Variants in TRAPPC9 observed in about 807,000 individuals in gnomAD.
TRAPPC9 encodes trafficking protein particle complex subunit 9.
TRAPPC9 carries 83 observed loss-of-function variants against 124.0 expected under a neutral mutation model. That is an observed-to-expected ratio of 0.67 (90% CI 0.56 to 0.80). The LOEUF is 0.80. Ranked by LOEUF, TRAPPC9 falls within the 30% of genes least tolerant of loss-of-function variation. The pLI is 0.00. For synonymous variants in TRAPPC9, 638 were observed against 617.5 expected, an observed-to-expected ratio of 1.03 and a Z score of -0.49; for missense variants, 1,302 against 1,508.3, an observed-to-expected ratio of 0.86 and a Z score of 2.27.
chr8:140,071,299 G>A (rs1843146990), intron 17 of TRAPPC9, among the ~76,000 whole-genome samples: 1 of 152,108 alleles, frequency 6.6e-6, no homozygotes, highest in African/African-American at 2.4e-5. Context: ...ACCAGCCCTC[G>A]ACACTCACAG....
At chr8:139,951,649 G>T (rs1295448228) in intron 19 of TRAPPC9, among the ~76,000 whole-genome samples, 1 of 152,222 alleles carries the variant, frequency 6.6e-6, no homozygotes, top group Non-Finnish European at 1.5e-5. Context: ...CAGAGTTAGA[G>T]GCTGGGAGGC....
Position 140,221,640 on chromosome 8 carries a change from T to C in TRAPPC9, c.2432-57A>G, listed in dbSNP as rs1269757842. On this transcript the variant is annotated intron_variant, in intron 16 of 22. Transcript: ENST00000438773. ...ACGTCAGCTTGGTTTTGGGGTTTGT[T>C]GTTGTTGTTGTTGTTTGGGACGGGT... The C allele has an allele frequency of 2.6e-6, 4 of 1,557,156 alleles. No homozygotes were observed. The African/African-American group carries it at 5.4e-5, about 21-fold the overall frequency.
At chr8:140,286,480 CA>C (rs2065487847) in intron 13 of TRAPPC9, among the ~76,000 whole-genome samples, 1 of 152,126 alleles carries the variant, frequency 6.6e-6, no homozygotes, top group Non-Finnish European at 1.5e-5. Flanking sequence ...GCTTTTGTGA[CA>C]AACCCTAGAA....
At chr8:139,913,220 G>T (rs187937097) in intron 19 of TRAPPC9, among the ~76,000 whole-genome samples, 1 of 152,332 alleles carries the variant, frequency 6.6e-6, no homozygotes, top group East Asian at 1.9e-4. Context: ...AGCTAACTCT[G>T]CCCATAAAAC....
At chr8:139,822,897 C>G (rs114858912) in intron 21 of TRAPPC9, among the ~76,000 whole-genome samples, 263 of 152,350 alleles carry the variant, frequency 1.7e-3, no homozygotes, top group African/African-American at 6.1e-3. Context: ...CTGGAGGCTA[C>G]AAGTCCAAGA....
chr8:140,166,042 T>C (rs1346336455), intron 17 of TRAPPC9, among the ~76,000 whole-genome samples: 1 of 152,188 alleles, frequency 6.6e-6, no homozygotes, highest in Non-Finnish European at 1.5e-5. Context: ...CCCGCCTGCA[T>C]GCACCGCAGC....
chr8:140,243,267 C>T (rs1272576619), intron 16 of TRAPPC9, among the ~76,000 whole-genome samples: 1 of 152,202 alleles, frequency 6.6e-6, no homozygotes, highest in Non-Finnish European at 1.5e-5. Flanking sequence ...AGACGATTCA[C>T]CTCTGATGAG....
intron 10 of TRAPPC9, among the ~76,000 whole-genome samples, chr8:140,309,801 G>T (rs1475805688): frequency 6.6e-6 from 1 of 152,214 alleles, no homozygotes; most frequent in African/African-American, 2.4e-5. Flanking sequence ...GGGCACTGCA[G>T]AGCAGCCACG....
intron 17 of TRAPPC9, among the ~76,000 whole-genome samples, chr8:140,047,124 C>T (rs1414767963): frequency 6.6e-6 from 1 of 152,250 alleles, no homozygotes; most frequent in African/African-American, 2.4e-5. Context: ...CCGCCAGCCT[C>T]TCCCGGCACA....
chr8:139,737,466 T>TCCC (rs35297460), intron 21 of TRAPPC9, among the ~76,000 whole-genome samples: 459 of 41,274 alleles, frequency 0.011, 74 homozygotes, highest in Middle Eastern at 0.033. Flanking sequence ...TCATCAGCCC[T>TCCC]CCCCCCCCCC....
intron 19 of TRAPPC9, among the ~76,000 whole-genome samples, chr8:139,980,135 T>G (rs928094472): frequency 6.6e-6 from 1 of 151,764 alleles, no homozygotes; most frequent in African/African-American, 2.4e-5. Context: ...CCCCCAGACT[T>G]CTCTAACAAG....
chr8:140,418,629 T>C (rs200087163), intron 5 of TRAPPC9, among the ~76,000 whole-genome samples: 1 of 151,692 alleles, frequency 6.6e-6, no homozygotes, highest in Non-Finnish European at 1.5e-5. Context: ...GCTGAGGCAG[T>C]AGAATCGCTT....
rs1563983449 is a variant in TRAPPC9 at position 140,376,604 on chromosome 8, C to CTCATGCCGAAAT, written c.1135-5425_1135-5424insATTTCGGCATGA. Among the ~76,000 whole-genome samples, 70 of 143,780 alleles carry CTCATGCCGAAAT rather than the reference C, an allele frequency of 4.9e-4. 2 individuals carry two copies. Among genetic ancestry groups the CTCATGCCGAAAT allele is most frequent in the Non-Finnish European group, 6.0e-4 (40 of 66,488 alleles). 94.3% of individuals were successfully genotyped at this position (143,780 alleles called of 152,430 possible). A position where few individuals can be genotyped will look rare whatever the true frequency, so the allele number is the denominator to read the frequency against. On this transcript the variant is annotated intron_variant, in intron 7 of 22. Transcript: ENST00000438773. ...GAATCACAGTGTTGAGGCCAGGCAA[C>CTCATGCCGAAAT]GTGGCTCATGCCGATAATCTCAGCA... is the stretch of plus-strand genomic sequence containing the variant.
intron 15 of TRAPPC9, among the ~76,000 whole-genome samples, chr8:140,268,047 G>A (rs2064743828): frequency 6.6e-6 from 1 of 151,986 alleles, no homozygotes; most frequent in Admixed American, 6.6e-5. Flanking sequence ...CCAAAGAAGG[G>A]GGTTTTTCAT....
At chr8:139,845,472 T>C (rs1047166294) in intron 21 of TRAPPC9, among the ~76,000 whole-genome samples, 1 of 152,252 alleles carries the variant, frequency 6.6e-6, no homozygotes, top group Non-Finnish European at 1.5e-5. Context: ...ACCCCAATAT[T>C]TAGCTGGGCA....
chr8:140,457,068 C>A (rs941332261), intron 1 of TRAPPC9, among the ~76,000 whole-genome samples: 7 of 152,332 alleles, frequency 4.6e-5, no homozygotes, highest in Admixed American at 1.3e-4. Context: ...CCAGCTAGAT[C>A]GCAGGCACTT....
chr8:140,342,036 T>C (rs1391675857), intron 9 of TRAPPC9, among the ~76,000 whole-genome samples: 1 of 152,224 alleles, frequency 6.6e-6, no homozygotes, highest in East Asian at 1.9e-4. Context: ...AAAGGGCGGA[T>C]CTGGAAGGCA....
At chr8:140,056,165 T>A (rs1461780443) in intron 17 of TRAPPC9, among the ~76,000 whole-genome samples, 1 of 151,932 alleles carries the variant, frequency 6.6e-6, no homozygotes, top group East Asian at 1.9e-4. Context: ...TCCCAGCACT[T>A]TGGGAGTCTG....
intron 17 of TRAPPC9, among the ~76,000 whole-genome samples, chr8:140,062,261 C>T (rs1227636919): frequency 6.6e-6 from 1 of 152,190 alleles, no homozygotes; most frequent in Non-Finnish European, 1.5e-5. Context: ...TGTCATTCCC[C>T]TCCTCCGAGA....
Sources: gnomAD v4.1 joint callset for allele counts (sites outside exome capture counted in the v4.1 genomes callset) on GRCh38, gnomAD v4.1.1 for gene constraint, MANE v1.5 for transcripts, NCBI Gene and HGNC (gene_info 2026-07-23, HGNC 2026-07-21) for gene names.